Variants in MYPN observed in about 807,000 individuals in gnomAD.
MYPN encodes sarcomeric protein myopalladin, 145 kDa (MYOP).
A neutral mutation model predicts 129.4 loss-of-function variants in MYPN; 63 were observed. The observed-to-expected ratio is 0.49, with a 90% CI of 0.40 to 0.60. MYPN has a LOEUF of 0.60. Ranked by LOEUF, MYPN falls within the 20% of genes least tolerant of loss-of-function variation. MYPN has a pLI of 0.00. For synonymous variants in MYPN, 629 were observed against 600.9 expected, an observed-to-expected ratio of 1.05 and a Z score of -0.68; for missense variants, 1,596 against 1,635.4, an observed-to-expected ratio of 0.98 and a Z score of 0.42.
chr10:68,127,020 C>T (rs76994689), intron 2 of MYPN, among the ~76,000 whole-genome samples: 3,033 of 152,186 alleles, frequency 0.02, 101 homozygotes, highest in African/African-American at 0.068. Flanking sequence ...AGAGTCTCTC[C>T]GTCACTCAGG....
intron 2 of MYPN, among the ~76,000 whole-genome samples, chr10:68,126,719 C>G (rs1199144414): frequency 6.6e-6 from 1 of 152,072 alleles, no homozygotes; most frequent in Non-Finnish European, 1.5e-5. Context: ...GATGGGGTCT[C>G]CAGCATGGAC....
At chr10:68,089,737 A>C (rs1199067579) in intron 1 of MYPN, among the ~76,000 whole-genome samples, 2 of 152,186 alleles carry the variant, frequency 1.3e-5, no homozygotes, top group Non-Finnish European at 2.9e-5. Flanking sequence ...TGATTCACCC[A>C]AAAAAGGATC....
intron 12 of MYPN, among the ~76,000 whole-genome samples, chr10:68,182,471 T>TAC (rs71009019): frequency 0.027 from 2,843 of 104,568 alleles, 162 homozygotes; most frequent in African/African-American, 0.077. Flanking sequence ...ATAACATATA[T>TAC]ACACACACAC....
chr10:68,105,080 G>A (rs2042002032), upstream of MYPN, among the ~76,000 whole-genome samples: 2 of 152,172 alleles, frequency 1.3e-5, no homozygotes, highest in African/African-American at 2.4e-5. Context: ...ACCATGCCCG[G>A]CCTAATATGT....
At chr10:68,194,650 C>T in intron 14 of MYPN, 138 bp downstream of exon 14, 1 of 1,013,686 alleles carries the variant, frequency 9.9e-7, no homozygotes, top group Non-Finnish European at 1.5e-6. Context: ...TTTTGTGTAA[C>T]TAGGGCACAG....
chr10:68,119,991 A>T (rs2042219398), intron 1 of MYPN, among the ~76,000 whole-genome samples: 1 of 152,360 alleles, frequency 6.6e-6, no homozygotes, highest in South Asian at 2.1e-4. Context: ...GAGAATGGAA[A>T]GAAATCAACT....
At chr10:68,124,615 T>G (rs1442794499) in intron 2 of MYPN, among the ~76,000 whole-genome samples, 2 of 152,228 alleles carry the variant, frequency 1.3e-5, no homozygotes, top group African/African-American at 2.4e-5. Context: ...GACTATTAGG[T>G]TATCCTGCTG....
chr10:68,168,626 G>T (rs2043090519), intron 10 of MYPN, among the ~76,000 whole-genome samples: 1 of 152,096 alleles, frequency 6.6e-6, no homozygotes, highest in Non-Finnish European at 1.5e-5. Context: ...GCCCAAAAAG[G>T]CAGAACATCT....
At chr10:68,133,240 G>T (rs1410229298) in intron 2 of MYPN, among the ~76,000 whole-genome samples, 3 of 151,974 alleles carry the variant, frequency 2.0e-5, no homozygotes, top group Non-Finnish European at 4.4e-5. Flanking sequence ...GGCCAAGCTA[G>T]TCTCGAACTC....
intron 1 of MYPN, among the ~76,000 whole-genome samples, chr10:68,118,579 C>T (rs190656147): frequency 1.3e-3 from 191 of 152,190 alleles, no homozygotes; most frequent in Middle Eastern, 0.01. Context: ...TGCCTGTAAT[C>T]CCAGAGCTTT....
intron 10 of MYPN, among the ~76,000 whole-genome samples, chr10:68,170,867 G>A (rs368098592): frequency 6.6e-6 from 1 of 152,092 alleles, no homozygotes; most frequent in Admixed American, 6.6e-5. Flanking sequence ...AAATAACCCC[G>A]GCCGGGCATG....
At chr10:68,112,344 T>A (rs181688978) in intron 1 of MYPN, among the ~76,000 whole-genome samples, 107 of 152,318 alleles carry the variant, frequency 7.0e-4, no homozygotes, top group Middle Eastern at 3.4e-3. Context: ...ATGTTTGTCA[T>A]CCTCTGGATA....
chr10:68,135,468 G>C (rs2042472253), intron 2 of MYPN: 1 of 982,744 alleles, frequency 1.0e-6, no homozygotes, highest in African/African-American at 1.8e-5. Context: ...GTTGCACTCT[G>C]TATATGAAGA....
intron 10 of MYPN, among the ~76,000 whole-genome samples, 175 bp downstream of exon 10, chr10:68,166,841 A>C (rs537291506): frequency 6.6e-6 from 1 of 151,924 alleles, no homozygotes; most frequent in African/African-American, 2.4e-5. Flanking sequence ...CCAGCCGGGG[A>C]AAAATAGTGA....
At chr10:68,165,458 C>A in intron 8 of MYPN, 1 of 566,994 alleles carries the variant, frequency 1.8e-6, no homozygotes, top group Non-Finnish European at 3.3e-6. Context: ...CCTAAAAAAA[C>A]AAAAAAATCC....
rs759420426 is a variant in MYPN at position 68,199,523 on chromosome 10, C to T, written c.3441C>T (p.Ile1147=). The change falls in exon 17 of 20, where the codon ATC becomes ATT. Residue 1147 remains isoleucine (I), a synonymous_variant. Coordinates refer to ENST00000358913, the MANE Select transcript of MYPN (RefSeq NM_032578.4). The stretch of plus-strand genomic sequence containing the variant: ...GCGACGCAGGGACCTATAAGTGCAT[C>T]GCTACCAACAAAACCGGGCAGAATT... ...TQRDAGTYKC[I]ATNKTGQNSF... 34 of 1,614,016 alleles carry T rather than the reference C, an allele frequency of 2.1e-5. No individual in the cohort carries two copies. The Admixed American group carries it at 2.3e-4, about 11-fold the overall frequency.
At chr10:68,194,966 GCCATAATCAT>G (rs1226108865) in intron 14 of MYPN, among the ~76,000 whole-genome samples, 1 of 152,172 alleles carries the variant, frequency 6.6e-6, no homozygotes, top group Non-Finnish European at 1.5e-5. Context: ...AACTTGGAAA[GCCATAATCAT>G]CCACTTTCCT....
At chr10:68,191,053 T>C (rs1280580004) in intron 13 of MYPN, among the ~76,000 whole-genome samples, 1 of 152,126 alleles carries the variant, frequency 6.6e-6, no homozygotes, top group Non-Finnish European at 1.5e-5. Flanking sequence ...TATGTGTCTA[T>C]TTTTTTGCGA....
At chr10:68,112,093 G>A (rs572997742) in intron 1 of MYPN, among the ~76,000 whole-genome samples, 14 of 152,258 alleles carry the variant, frequency 9.2e-5, no homozygotes, top group African/African-American at 3.1e-4. Context: ...TAACAGTTTG[G>A]TTCATTATGA....
Sources: allele counts gnomAD v4.1 joint callset (sites outside exome capture counted in the v4.1 genomes callset), GRCh38; gene constraint gnomAD v4.1.1; transcripts MANE v1.5; gene names NCBI Gene and HGNC (gene_info 2026-07-23, HGNC 2026-07-21).